CRPPA: variants seen among roughly 807,000 people sequenced by gnomAD.
CRPPA encodes the protein D-ribitol-5-phosphate cytidylyltransferase.
Under a neutral mutation model 52.0 loss-of-function variants are expected in CRPPA, and 43 were observed. That is an observed-to-expected ratio of 0.83 (90% CI 0.65 to 1.07). The LOEUF is 1.07. Among genes scored for constraint, CRPPA ranks in the 50% least tolerant of loss-of-function variants. The pLI is 0.00. For synonymous variants in CRPPA, 250 were observed against 203.5 expected (o/e 1.23, Z -1.94); for missense variants, 629 against 551.7 (o/e 1.14, Z -1.40).
chr7:16,191,512 G>A (rs867157497), intron 9 of CRPPA, among the ~76,000 whole-genome samples: 2 of 152,098 alleles, frequency 1.3e-5, no homozygotes, highest in Admixed American at 6.6e-5. Context: ...AAAGAGGAAG[G>A]AATTAAGAAT....
intron 9 of CRPPA, among the ~76,000 whole-genome samples, chr7:16,171,327 C>A (rs1360356536): frequency 6.6e-6 from 1 of 152,104 alleles, no homozygotes; most frequent in African/African-American, 2.4e-5. Context: ...ATAAACGTTA[C>A]TTTTTTTAAT....
chr7:16,206,721 A>C (rs1158910711), intron 9 of CRPPA, among the ~76,000 whole-genome samples: 1 of 152,150 alleles, frequency 6.6e-6, no homozygotes, highest in Admixed American at 6.6e-5. Flanking sequence ...GATTACAAAC[A>C]TACATATAAA....
intron 9 of CRPPA, among the ~76,000 whole-genome samples, chr7:16,157,784 T>C (rs1472357556): frequency 6.6e-6 from 1 of 152,148 alleles, no homozygotes; most frequent in Non-Finnish European, 1.5e-5. Flanking sequence ...TTAAATCAAC[T>C]AATTTGCAGT....
At chr7:16,262,590 A>C (rs2128413519) in intron 6 of CRPPA, among the ~76,000 whole-genome samples, 1 of 152,294 alleles carries the variant, frequency 6.6e-6, no homozygotes, top group South Asian at 2.1e-4. Context: ...TACAAATTGT[A>C]CTTTTCCTGG....
intron 3 of CRPPA, among the ~76,000 whole-genome samples, chr7:16,340,408 C>G (rs1355232334): frequency 6.6e-6 from 1 of 151,580 alleles, no homozygotes; most frequent in African/African-American, 2.4e-5. Context: ...AGAAAACAGC[C>G]CAAATAAAAT....
At chr7:16,112,580 C>G (rs892447938) in intron 9 of CRPPA, among the ~76,000 whole-genome samples, 1 of 151,940 alleles carries the variant, frequency 6.6e-6, no homozygotes, top group Non-Finnish European at 1.5e-5. Flanking sequence ...TACTAAGTAA[C>G]AAAAAACAAT....
At chr7:16,127,764 G>A (rs1310768297) in intron 9 of CRPPA, among the ~76,000 whole-genome samples, 1 of 152,068 alleles carries the variant, frequency 6.6e-6, no homozygotes, top group African/African-American at 2.4e-5. Flanking sequence ...CTCAAGACAA[G>A]TAACCTGACT....
At chr7:16,351,717 C>T (rs1367525809) in intron 3 of CRPPA, among the ~76,000 whole-genome samples, 1 of 152,096 alleles carries the variant, frequency 6.6e-6, no homozygotes, top group Non-Finnish European at 1.5e-5. Context: ...AATGAGATAC[C>T]ATCTCATGCC....
At chr7:16,356,790 T>C (rs1429093238) in intron 3 of CRPPA, among the ~76,000 whole-genome samples, 1 of 152,206 alleles carries the variant, frequency 6.6e-6, no homozygotes, top group African/African-American at 2.4e-5. Flanking sequence ...TCCTTTTCTA[T>C]TGACCTATTT....
At position 16,270,061 on chromosome 7, in the gene CRPPA, T is replaced by C. The variant is rs183059327; in HGVS notation, c.933+8068A>G. ...CAACTTTGTCAACTTTTTGTACGGA[T>C]TTTCCTTCTAAACATATTTACTTTA... On this transcript the variant is annotated intron_variant, in intron 6 of 9. Transcript: ENST00000407010. The C allele has an allele frequency of 1.5e-4, 23 of 152,306 alleles. No individual in the cohort carries two copies. The East Asian group carries it at 3.7e-3, about 24-fold the overall frequency. 9.4% of individuals were successfully genotyped at this position (152,306 alleles called of 1,614,324 possible).
intron 8 of CRPPA, among the ~76,000 whole-genome samples, chr7:16,221,823 T>C (rs1384885772): frequency 6.7e-6 from 1 of 148,940 alleles, no homozygotes. Context: ...TGTGGAGAAA[T>C]AGGAACACTT....
chr7:16,286,064 T>TAGA (rs1562608511), intron 5 of CRPPA, among the ~76,000 whole-genome samples: 7 of 29,770 alleles, frequency 2.4e-4, no homozygotes, highest in East Asian at 1.4e-3. Context: ...TATATATATA[T>TAGA]ATATATATAT....
At chr7:16,389,444 G>C (rs1034001832) in intron 2 of CRPPA, among the ~76,000 whole-genome samples, 2 of 150,556 alleles carry the variant, frequency 1.3e-5, no homozygotes, top group Non-Finnish European at 3.0e-5. Flanking sequence ...ATACCAGATC[G>C]GTTCAACATA....
chr7:16,149,971 G>A (rs1383192664), intron 9 of CRPPA, among the ~76,000 whole-genome samples: 2 of 150,086 alleles, frequency 1.3e-5, no homozygotes, highest in Non-Finnish European at 3.0e-5. Flanking sequence ...GGGTGACACA[G>A]CGAGAGTCAT....
At chr7:16,366,650 G>T (rs12699787) in intron 3 of CRPPA, among the ~76,000 whole-genome samples, 30,124 of 151,524 alleles carry the variant, frequency 0.2, 3,142 homozygotes, top group South Asian at 0.41. Flanking sequence ...ACTCAAAGAA[G>T]ATCCCAGCCA....
intron 9 of CRPPA, among the ~76,000 whole-genome samples, chr7:16,111,467 C>T (rs561196821): frequency 6.6e-6 from 1 of 152,302 alleles, no homozygotes; most frequent in African/African-American, 2.4e-5. Context: ...GATGTCTGCA[C>T]TCACTCCCAT....
At chr7:16,093,119 T>G (rs1781868563) in intron 9 of CRPPA, among the ~76,000 whole-genome samples, 2 of 152,214 alleles carry the variant, frequency 1.3e-5, no homozygotes, top group Admixed American at 1.3e-4. Flanking sequence ...TATAGTCTTT[T>G]TTAGTTGACC....
intron 3 of CRPPA, among the ~76,000 whole-genome samples, chr7:16,327,541 C>A (rs371712582): frequency 7.2e-6 from 1 of 139,696 alleles, no homozygotes; most frequent in Admixed American, 7.8e-5. Context: ...CGCAGTGAGC[C>A]GAGATTGCGC....
chr7:16,093,463 C>T (rs140433897), intron 9 of CRPPA, among the ~76,000 whole-genome samples: 10 of 152,236 alleles, frequency 6.6e-5, no homozygotes, highest in East Asian at 1.9e-4. Context: ...ATGAGGATGA[C>T]GGTGAGAGGC....
Sources: allele counts gnomAD v4.1 joint callset (sites outside exome capture counted in the v4.1 genomes callset), GRCh38; gene constraint gnomAD v4.1.1; transcripts MANE v1.5; gene names NCBI Gene and HGNC (gene_info 2026-07-23, HGNC 2026-07-21).